HECTD2: variants seen among roughly 807,000 people sequenced by gnomAD.
The protein encoded by HECTD2 is HECT domain E3 ubiquitin protein ligase 2, also known as probable E3 ubiquitin-protein ligase HECTD2.
In HECTD2, 35 loss-of-function variants were observed where a neutral mutation model predicts 103.2. That is an observed-to-expected ratio of 0.34 (90% CI 0.26 to 0.45). The LOEUF (loss-of-function observed/expected upper bound fraction) is 0.45, where lower values mean the gene tolerates loss of function less well. Ranked by LOEUF, HECTD2 falls within the 20% of genes least tolerant of loss-of-function variation. The pLI is 1.00. For missense variants in HECTD2, 596 were observed against 937.4 expected (o/e 0.64, Z 4.76); for synonymous variants, 281 against 329.9 (o/e 0.85, Z 1.61).
At chr10:91,454,169 C>T (rs1844965925) in intron 2 of HECTD2, among the ~76,000 whole-genome samples, 1 of 152,062 alleles carries the variant, frequency 6.6e-6, no homozygotes, top group South Asian at 2.1e-4. Flanking sequence ...ACCTCAGTGC[C>T]ACCATCAACC....
chr10:91,432,418 G>T (rs1041445913), intron 2 of HECTD2, among the ~76,000 whole-genome samples: 3 of 151,830 alleles, frequency 2.0e-5, no homozygotes, highest in Non-Finnish European at 4.4e-5. Flanking sequence ...CTGTCAAATT[G>T]ACTGTCCTTT....
At chr10:91,440,168 G>A (rs1400991801) in intron 2 of HECTD2, among the ~76,000 whole-genome samples, 3 of 150,218 alleles carry the variant, frequency 2.0e-5, no homozygotes, top group East Asian at 1.9e-4. Flanking sequence ...GTTTTAAAAG[G>A]GAATGCTTCC....
At chr10:91,430,959 A>G (rs1227033460) in intron 2 of HECTD2, among the ~76,000 whole-genome samples, 1 of 148,982 alleles carries the variant, frequency 6.7e-6, no homozygotes, top group African/African-American at 2.5e-5. Flanking sequence ...TAGTTGATGC[A>G]GTTTCTTCCT....
chr10:91,482,887 C>T, intron 7 of HECTD2, 80 bp from the exon 8 acceptor site: 22 of 568,642 alleles, frequency 3.9e-5, no homozygotes, highest in South Asian at 1.0e-4. Flanking sequence ...CTGAATTTAC[C>T]ACGTACTTAT....
chr10:91,446,113 C>T (rs1354150170), intron 2 of HECTD2, among the ~76,000 whole-genome samples: 4 of 152,024 alleles, frequency 2.6e-5, no homozygotes, highest in Admixed American at 2.6e-4. Flanking sequence ...ACCAACACCA[C>T]ATACAGGAGA....
At chr10:91,477,183 G>T (rs757865040) in intron 5 of HECTD2, among the ~76,000 whole-genome samples, 2 of 147,598 alleles carry the variant, frequency 1.4e-5, no homozygotes, top group African/African-American at 5.1e-5. Flanking sequence ...GCGAGACTCC[G>T]TCTCAAAAAA....
At chr10:91,457,041 C>G (rs547372378) in intron 2 of HECTD2, among the ~76,000 whole-genome samples, 1 of 152,146 alleles carries the variant, frequency 6.6e-6, no homozygotes, top group East Asian at 1.9e-4. Flanking sequence ...TAAGGGAATA[C>G]TGCAAACTCT....
intron 5 of HECTD2, among the ~76,000 whole-genome samples, chr10:91,476,697 G>A (rs543552798): frequency 1.5e-4 from 23 of 152,276 alleles, no homozygotes; most frequent in Non-Finnish European, 2.2e-4. Context: ...TTCTTTCTCC[G>A]TCCCTGTGTC....
At chr10:91,505,857 G>A (rs914738480) in intron 20 of HECTD2, among the ~76,000 whole-genome samples, 1 of 151,834 alleles carries the variant, frequency 6.6e-6, no homozygotes, top group Non-Finnish European at 1.5e-5. Context: ...TTCCAAAATT[G>A]ACCACATACT....
At chr10:91,456,004 C>T (rs1346265991) in intron 2 of HECTD2, among the ~76,000 whole-genome samples, 13 of 151,918 alleles carry the variant, frequency 8.6e-5, no homozygotes, top group South Asian at 4.2e-4. Flanking sequence ...AGTCAGGTAG[C>T]GTGATGCCTC....
intron 1 of HECTD2, 72 bp from the exon 2 acceptor site, chr10:91,425,209 T>C (rs1843510945): frequency 8.7e-7 from 1 of 1,154,474 alleles, no homozygotes; most frequent in Non-Finnish European, 1.2e-6. Flanking sequence ...TTATAAATGT[T>C]TGTGATTTTT....
At chr10:91,464,443 G>C (rs569585175) in intron 5 of HECTD2, 5 of 152,224 alleles carry the variant, frequency 3.3e-5, no homozygotes, top group Non-Finnish European at 5.9e-5. Context: ...GTAGAAATAA[G>C]TATAAGGTAT....
At chr10:91,437,401 CAA>C (rs1232225778) in intron 2 of HECTD2, among the ~76,000 whole-genome samples, 2 of 152,038 alleles carry the variant, frequency 1.3e-5, no homozygotes, top group Non-Finnish European at 2.9e-5. Context: ...ACAAACATCT[CAA>C]AAGAGAGAGC....
chr10:91,513,585 T>A lies in HECTD2; in HGVS notation c.*1201T>A, dbSNP rs1847506732. ...TCAGACAGTAAATGTTTTTTTTAATTTACAGCAAATGAAGCAGTTTTATTA... is the reference window on the plus strand; with the variant it reads ...TCAGACAGTAAATGTTTTTTTTAATATACAGCAAATGAAGCAGTTTTATTA... On this transcript the variant is annotated 3_prime_UTR_variant, in exon 21 of 21. Transcript: ENST00000298068. 1 of 152,580 alleles carries A rather than the reference T, an allele frequency of 6.6e-6. No individual in the cohort carries two copies. The highest frequency in any genetic ancestry group is 6.6e-5 in the Admixed American group (1 of 15,258). 9.5% of individuals were successfully genotyped at this position (152,580 alleles called of 1,614,324 possible).
chr10:91,504,128 C>T (rs1847038632), intron 20 of HECTD2, among the ~76,000 whole-genome samples: 1 of 152,054 alleles, frequency 6.6e-6, no homozygotes, highest in East Asian at 1.9e-4. Flanking sequence ...CCCATCTGTA[C>T]ATCACCATCA....
intron 14 of HECTD2, among the ~76,000 whole-genome samples, chr10:91,494,413 A>G (rs1200429049): frequency 6.6e-6 from 1 of 152,046 alleles, no homozygotes; most frequent in Non-Finnish European, 1.5e-5. Context: ...AAAAGGCTAA[A>G]TTGTGCTGGG....
intron 1 of HECTD2, among the ~76,000 whole-genome samples, chr10:91,416,137 A>T (rs1179681223): frequency 6.6e-6 from 1 of 152,192 alleles, no homozygotes; most frequent in Non-Finnish European, 1.5e-5. Flanking sequence ...ATATTTAACA[A>T]TTGGAGAAAA....
At chr10:91,502,536 G>A (rs1330480620) in intron 20 of HECTD2, among the ~76,000 whole-genome samples, 1 of 152,092 alleles carries the variant, frequency 6.6e-6, no homozygotes. Flanking sequence ...CACATGGTAA[G>A]TGCCCAATAG....
At chr10:91,449,621 G>A (rs563555501) in intron 2 of HECTD2, among the ~76,000 whole-genome samples, 4 of 152,284 alleles carry the variant, frequency 2.6e-5, no homozygotes, top group African/African-American at 9.6e-5. Context: ...TAGATGACAT[G>A]ATTGTATATT....
Sources: allele counts gnomAD v4.1 joint callset (sites outside exome capture counted in the v4.1 genomes callset), GRCh38; gene constraint gnomAD v4.1.1; transcripts MANE v1.5; gene names NCBI Gene and HGNC (gene_info 2026-07-23, HGNC 2026-07-21).